The following SATB2 variants were observed in gnomAD, a reference collection of about 807,000 sequenced individuals.
SATB2 encodes SATB homeobox 2.
Under a neutral mutation model 73.4 loss-of-function variants are expected in SATB2, and 1 was observed. The ratio of observed to expected loss-of-function variants is 0.01; its 90% CI spans 0.00 to 0.06. The LOEUF is 0.06. SATB2 is among the 10% of genes least tolerant of loss of function. The probability of loss-of-function intolerance (pLI) is 1.00; values close to 1 mark genes in which losing one functional copy is unlikely to be tolerated. For synonymous variants in SATB2, 397 were observed against 367.0 expected, an observed-to-expected ratio of 1.08 and a Z score of -0.93; for missense variants, 459 against 945.8, an observed-to-expected ratio of 0.49 and a Z score of 6.75.
upstream of SATB2, among the ~76,000 whole-genome samples, chr2:199,466,619 C>T (rs532904517): frequency 6.6e-6 from 1 of 152,198 alleles, no homozygotes; most frequent in African/African-American, 2.4e-5. Flanking sequence ...CTGTCCTCCC[C>T]CAAACAACCT....
intron 2 of SATB2, among the ~76,000 whole-genome samples, chr2:199,445,591 G>A (rs1047388706): frequency 1.3e-5 from 2 of 152,184 alleles, no homozygotes; most frequent in Non-Finnish European, 2.9e-5. Flanking sequence ...CCATATGAAA[G>A]AGGCTGTAAA....
At chr2:199,440,884 C>T (rs1302941831) in intron 2 of SATB2, among the ~76,000 whole-genome samples, 4 of 147,378 alleles carry the variant, frequency 2.7e-5, no homozygotes, top group African/African-American at 1.0e-4. Context: ...GAATTTCACT[C>T]TTATTGCCCA....
chr2:199,332,234 AT>A (rs1227584135), intron 7 of SATB2, among the ~76,000 whole-genome samples: 2 of 152,158 alleles, frequency 1.3e-5, no homozygotes, highest in Admixed American at 1.3e-4. Context: ...CCAGGGACAC[AT>A]TAAAACAATT....
At chr2:199,459,018 A>G (rs916696420), upstream of SATB2, among the ~76,000 whole-genome samples, 1 of 152,070 alleles carries the variant, frequency 6.6e-6, no homozygotes, top group Non-Finnish European at 1.5e-5. This position sits in a 1 kb window ranked among gnomAD's most constrained non-coding sequence, Gnocchi z 4.2. Context: ...TGGTGGATGC[A>G]GAGCGGGGTG....
intron 2 of SATB2, among the ~76,000 whole-genome samples, chr2:199,453,126 C>A (rs1692178077): frequency 6.6e-6 from 1 of 152,070 alleles, no homozygotes; most frequent in African/African-American, 2.4e-5. Context: ...AGTAGAGTAA[C>A]AGCAGAATTT....
chr2:199,465,476 TC>T (rs1187098511), upstream of SATB2, among the ~76,000 whole-genome samples: 2 of 152,250 alleles, frequency 1.3e-5, no homozygotes, highest in African/African-American at 4.8e-5. Context: ...AGTAAAGACT[TC>T]TATATGATAA....
intron 2 of SATB2, 92 bp from the exon 3 acceptor site, chr2:199,433,606 A>C: frequency 3.4e-6 from 4 of 1,181,892 alleles, no homozygotes; most frequent in Non-Finnish European, 5.1e-6. Flanking sequence ...TATAAAAGTC[A>C]GTCATCTGTG....
chr2:199,340,603 A>T (rs1053219996), intron 7 of SATB2, among the ~76,000 whole-genome samples: 1 of 152,210 alleles, frequency 6.6e-6, no homozygotes, highest in African/African-American at 2.4e-5. Flanking sequence ...GCAGAAAAAA[A>T]CCCCATACAA....
chr2:199,428,744 AG>A (rs1691408385), intron 3 of SATB2, among the ~76,000 whole-genome samples: 1 of 152,226 alleles, frequency 6.6e-6, no homozygotes. Flanking sequence ...TAAAGCTCTA[AG>A]AATTGCCTGG....
upstream of SATB2, among the ~76,000 whole-genome samples, chr2:199,462,020 G>T (rs1692486522): frequency 6.6e-6 from 1 of 152,170 alleles, no homozygotes; most frequent in Non-Finnish European, 1.5e-5. This position sits in a 1 kb window ranked among gnomAD's most constrained non-coding sequence, Gnocchi z 5.9. Flanking sequence ...TTCGGCTCTC[G>T]CCTGGGCCAT....
intron 6 of SATB2, among the ~76,000 whole-genome samples, chr2:199,364,271 T>C (rs1689223391): frequency 6.6e-6 from 1 of 152,190 alleles, no homozygotes; most frequent in Admixed American, 6.5e-5. Context: ...TACAGAGGAC[T>C]AGTTCAAGGA....
At chr2:199,327,688 G>A in intron 8 of SATB2, among the ~76,000 whole-genome samples, 1 of 152,118 alleles carries the variant, frequency 6.6e-6, no homozygotes, top group South Asian at 2.1e-4. Flanking sequence ...CACATTACTA[G>A]ATGTATACAT....
chr2:199,299,989 G>A lies in SATB2; in HGVS notation c.1740+8771C>T, dbSNP rs146534749. ...TGTTTTTTGTGGGTGGGAAGGGAAA[G>A]AAGGATGCATTTTAATGCACTTTCT... On this transcript the variant is annotated intron_variant, in intron 10 of 10. Transcript: ENST00000417098. Among the ~76,000 whole-genome samples the A allele has an allele frequency of 6.2e-3, 948 of 152,224 alleles. 8 individuals carry two copies. Among genetic ancestry groups the A allele is most frequent in the African/African-American group, 0.021 (887 of 41,530 alleles).
intron 7 of SATB2, among the ~76,000 whole-genome samples, chr2:199,345,601 T>C (rs1688627537): frequency 6.6e-6 from 1 of 152,234 alleles, no homozygotes; most frequent in Non-Finnish European, 1.5e-5. Context: ...GGCATCAGGC[T>C]TGAAGCCTGG....
chr2:199,461,456 G>A (rs945821948), upstream of SATB2, among the ~76,000 whole-genome samples: 15 of 152,166 alleles, frequency 9.9e-5, no homozygotes, highest in Non-Finnish European at 2.1e-4. Flanking sequence ...TCCCTCAAAA[G>A]GTTTATTTCC....
intron 6 of SATB2, among the ~76,000 whole-genome samples, chr2:199,361,323 C>T (rs1689130945): frequency 6.6e-6 from 1 of 151,958 alleles, no homozygotes; most frequent in South Asian, 2.1e-4. Flanking sequence ...CATTCTCATA[C>T]CCCTACTTAC....
At chr2:199,433,803 G>A (rs954349144) in intron 2 of SATB2, among the ~76,000 whole-genome samples, 3 of 151,980 alleles carry the variant, frequency 2.0e-5, no homozygotes, top group Admixed American at 6.6e-5. Context: ...ACAGACACTC[G>A]AATCTTTTAA....
At chr2:199,338,621 T>C (rs1688408902) in intron 7 of SATB2, among the ~76,000 whole-genome samples, 1 of 151,248 alleles carries the variant, frequency 6.6e-6, no homozygotes, top group South Asian at 2.1e-4. Flanking sequence ...TGGTCAGGGA[T>C]GAAAGGAAAA....
intron 3 of SATB2, among the ~76,000 whole-genome samples, chr2:199,400,937 T>C (rs1157811160): frequency 6.6e-6 from 1 of 152,170 alleles, no homozygotes; most frequent in Non-Finnish European, 1.5e-5. Flanking sequence ...TCGGTAAGAA[T>C]TAAAAATAAC....
Sources: allele counts gnomAD v4.1 joint callset (sites outside exome capture counted in the v4.1 genomes callset), GRCh38; gene constraint gnomAD v4.1.1; non-coding constraint Gnocchi (gnomAD v3.1); transcripts MANE v1.5; gene names NCBI Gene and HGNC (gene_info 2026-07-23, HGNC 2026-07-21).